Variants in ACADM observed in about 807,000 individuals in gnomAD.
The protein encoded by ACADM is acyl-CoA dehydrogenase medium chain.
In ACADM, 49 loss-of-function variants were observed where a neutral mutation model predicts 58.9. The ratio of observed to expected loss-of-function variants is 0.83; its 90% confidence interval spans 0.66 to 1.06. The LOEUF is 1.06. Ranked by LOEUF, ACADM falls within the 50% of genes least tolerant of loss-of-function variation. The probability of loss-of-function intolerance (pLI) is 0.00; values close to 1 mark genes in which losing one functional copy is unlikely to be tolerated. For missense variants in ACADM, 496 were observed against 507.0 expected (o/e 0.98, Z 0.21); for synonymous variants, 160 against 157.7 (o/e 1.01, Z -0.11).
At chr1:75,733,429 C>A in intron 4 of ACADM, 99 bp from the exon 5 acceptor site, 1 of 1,240,612 alleles carries the variant, frequency 8.1e-7, no homozygotes, top group Non-Finnish European at 1.2e-6. Context: ...CCTTTTAAAA[C>A]AAATTTTGGT....
At chr1:75,754,562 G>C (rs1383414822) in intron 10 of ACADM, among the ~76,000 whole-genome samples, 1 of 152,168 alleles carries the variant, frequency 6.6e-6, no homozygotes, top group Non-Finnish European at 1.5e-5. Flanking sequence ...AAAAGGGTCA[G>C]GTTATTCTTG....
Position 75,724,730 on chromosome 1 carries a change from A to G in ACADM, c.-58A>G. On this transcript the variant is annotated 5_prime_UTR_variant, in exon 1 of 12. Coordinates refer to ENST00000370841, the MANE Select transcript of ACADM (RefSeq NM_000016.6). ...GACCAGAGGAGTCCCGCGTTCGGGG[A>G]GTATGTCAAGGCCGTGACCCGTGTA... 6.5e-7 allele frequency: 1 copy of G among 1,537,344 alleles called. No individual in the cohort carries two copies.
In ACADM at chr1:75,762,769, T is replaced by C; in HGVS notation, c.*6T>C. On this transcript the variant is annotated 3_prime_UTR_variant, in exon 12 of 12. Coordinates refer to ENST00000370841, the MANE Select transcript of ACADM (RefSeq NM_000016.6). ...TTGACAAGTACAAAAATTAAAAAAA[T>C]TACTGTAGAAATATTGAATAACTAG... is the stretch of plus-strand genomic sequence containing the variant. 2 of 1,550,364 alleles carry C rather than the reference T, an allele frequency of 1.3e-6. No homozygotes were observed. Among genetic ancestry groups the C allele is most frequent in the Non-Finnish European group, 8.9e-7 (1 of 1,123,768 alleles).
chr1:75,744,240 G>A (rs1017555070), intron 7 of ACADM: 4 of 1,593,316 alleles, frequency 2.5e-6, no homozygotes, highest in South Asian at 2.2e-5. Context: ...GAGTGGGTAT[G>A]GGTGCTGCAT....
At chr1:75,739,030 T>A (rs1378448551) in intron 6 of ACADM, among the ~76,000 whole-genome samples, 1 of 152,208 alleles carries the variant, frequency 6.6e-6, no homozygotes, top group East Asian at 1.9e-4. Context: ...TTCCCTTACA[T>A]GCACAGAATT....
Position 75,750,431 on chromosome 1 carries a change from A to G in ACADM, c.850-20A>G, listed in dbSNP as rs1648135694. On this transcript the variant is annotated intron_variant, in intron 9 of 11. Coordinates refer to ENST00000370841, the MANE Select transcript of ACADM (RefSeq NM_000016.6). ...TAAAGATAACATGAACTTTTGCTTT[A>G]TAATATCTTAAAATACTAGGTAGCT... 9 of 1,585,122 alleles carry G rather than the reference A, an allele frequency of 5.7e-6. No individual in the cohort carries two copies. The highest frequency in any genetic ancestry group is 7.8e-6 in the Non-Finnish European group (9 of 1,160,922).
At chr1:75,737,286 A>G (rs1268890694) in intron 6 of ACADM, among the ~76,000 whole-genome samples, 247 of 64,616 alleles carry the variant, frequency 3.8e-3, no homozygotes, top group Non-Finnish European at 6.0e-3. Context: ...ACAAATATAT[A>G]TATATATATA....
At chr1:75,727,429 C>A (rs1384163954) in intron 1 of ACADM, among the ~76,000 whole-genome samples, 1 of 152,178 alleles carries the variant, frequency 6.6e-6, no homozygotes, top group Non-Finnish European at 1.5e-5. Flanking sequence ...CAATTAAAAT[C>A]TTTTACAGTG....
In ACADM at chr1:75,763,574, A is replaced by C. The variant is rs1648960637; in HGVS notation, c.*811A>C. 6.6e-6 allele frequency: 1 copy of C among 152,194 alleles called. No individual in the cohort carries two copies. Among genetic ancestry groups the C allele is most frequent in the African/African-American group, 2.4e-5 (1 of 41,462 alleles). 9.4% of individuals were successfully genotyped at this position (152,194 alleles called of 1,614,324 possible). On this transcript the variant is annotated 3_prime_UTR_variant, in exon 12 of 12. Transcript: ENST00000370841. ...TATTTCTTGTATTTACTATGATGAA[A>C]AAAGGTCGTTTTAATTTTGAATTGA...
At chr1:75,740,886 A>G (rs1298627192) in intron 7 of ACADM, among the ~76,000 whole-genome samples, 2 of 152,224 alleles carry the variant, frequency 1.3e-5, no homozygotes, top group African/African-American at 4.8e-5. Context: ...GGAGCCTACA[A>G]AACATGTTCT....
At chr1:75,752,686 T>C (rs564308357) in intron 10 of ACADM, among the ~76,000 whole-genome samples, 56 of 152,348 alleles carry the variant, frequency 3.7e-4, no homozygotes, top group Non-Finnish European at 5.4e-4. Context: ...TCCTTTTTTC[T>C]CATTAATCAT....
At chr1:75,737,483 A>G (rs995320954) in intron 6 of ACADM, among the ~76,000 whole-genome samples, 3 of 151,656 alleles carry the variant, frequency 2.0e-5, no homozygotes, top group South Asian at 2.1e-4. Flanking sequence ...TATTTCAGGG[A>G]AAAAAATACC....
chr1:75,729,128 G>A (rs1353710), intron 2 of ACADM, among the ~76,000 whole-genome samples: 3,002 of 151,734 alleles, frequency 0.02, 94 homozygotes, highest in African/African-American at 0.069. Context: ...AGGCAGCTGC[G>A]ATAACTCACA....
chr1:75,745,621 C>G, intron 7 of ACADM, 185 bp from the exon 8 acceptor site: 1 of 621,336 alleles, frequency 1.6e-6, no homozygotes, highest in Non-Finnish European at 2.9e-6. Context: ...ACATAGACCT[C>G]AAATACTAGC....
intron 10 of ACADM, among the ~76,000 whole-genome samples, chr1:75,758,263 G>T (rs564471032): frequency 1.3e-5 from 2 of 152,040 alleles, no homozygotes; most frequent in Middle Eastern, 6.8e-3. Context: ...TAGAGACAGG[G>T]TTTCATCATG....
chr1:75,743,428 A>G (rs1647696122), intron 7 of ACADM: 5 of 1,610,220 alleles, frequency 3.1e-6, no homozygotes, highest in Non-Finnish European at 4.2e-6. Context: ...CTAAAGATCA[A>G]AGAGGAGGAC....
Position 75,724,793 on chromosome 1 carries a change from A to AG in ACADM, c.7dup (p.Ala3GlyfsTer30). 1 of 1,523,826 alleles carries AG rather than the reference A, an allele frequency of 6.6e-7. No homozygotes were observed. The highest frequency in any genetic ancestry group is 8.8e-7 in the Non-Finnish European group (1 of 1,134,028). The allele number at this position is 1,523,826 out of a possible 1,614,324, so 94.4% of individuals were successfully genotyped here. A position where few individuals can be genotyped will look rare whatever the true frequency, so the allele number is the denominator to read the frequency against. Reference sequence around the variant, plus strand: ...TGGCCGGAACGGGAGCCAACATGGCAGCGGGGTTCGGGCGATGCTGCAGGG... The same window carrying AG: ...TGGCCGGAACGGGAGCCAACATGGCAGGCGGGGTTCGGGCGATGCTGCAGGG... On this transcript the variant is annotated frameshift_variant, in exon 1 of 12. Transcript: ENST00000370841. LOFTEE classifies it high-confidence loss of function.
At chr1:75,733,717 A>G in intron 5 of ACADM, 89 bp downstream of exon 5, 3 of 1,129,730 alleles carry the variant, frequency 2.7e-6, no homozygotes, top group East Asian at 4.7e-5. Context: ...GAAGAAAAAA[A>G]AAGGAAAGTC....
chr1:75,754,505 G>A (rs147876664), intron 10 of ACADM, among the ~76,000 whole-genome samples: 1 of 152,318 alleles, frequency 6.6e-6, no homozygotes, highest in African/African-American at 2.4e-5. Flanking sequence ...ACCGTGTCCA[G>A]CCACTTGTCT....
Sources: gnomAD v4.1 joint callset for allele counts (sites outside exome capture counted in the v4.1 genomes callset) on GRCh38, gnomAD v4.1.1 for gene constraint, MANE v1.5 for transcripts, NCBI Gene and HGNC (gene_info 2026-07-23, HGNC 2026-07-21) for gene names.